The following TBC1D9B variants were observed in gnomAD, a reference collection of about 807,000 sequenced individuals.
TBC1D9B encodes the protein TBC1 domain family, member 9B (with GRAM domain).
Under a neutral mutation model 121.1 loss-of-function variants are expected in TBC1D9B, and 87 were observed. That is an observed-to-expected ratio of 0.72 (90% CI 0.60 to 0.86). The LOEUF (loss-of-function observed/expected upper bound fraction) is 0.86. Among genes scored for constraint, TBC1D9B ranks in the 40% least tolerant of loss-of-function variants. The probability of loss-of-function intolerance (pLI) is 0.00; values close to 1 mark genes in which losing one functional copy is unlikely to be tolerated. For missense variants in TBC1D9B, 1,540 were observed against 1,628.6 expected, an observed-to-expected ratio of 0.95 and a Z score of 0.94; for synonymous variants, 668 against 670.1, an observed-to-expected ratio of 1.00 and a Z score of 0.05.
Position 179,904,841 on chromosome 5 carries a change from G to A in TBC1D9B, c.119-29C>T. 2 of 1,520,826 alleles carry A rather than the reference G, an allele frequency of 1.3e-6. No individual in the cohort carries two copies. The highest frequency in any genetic ancestry group is 1.8e-6 in the Non-Finnish European group (2 of 1,124,850). 94.2% of individuals were successfully genotyped at this position (1,520,826 alleles called of 1,614,324 possible). A position where few individuals can be genotyped will look rare whatever the true frequency, so the allele number is the denominator to read the frequency against. ...GGAACAGGGCAGAGAGACATAGAGG[G>A]TGAGGGGAGGGCCGGACTGAGGCCC... On this transcript the variant is annotated intron_variant, in intron 1 of 20. Coordinates refer to ENST00000355235, the MANE Select transcript of TBC1D9B (RefSeq NM_015043.4). The surrounding 1 kb of genome is among the most constrained non-coding windows in gnomAD (Gnocchi z 4.2).
rs1006772520 is a variant in TBC1D9B, at chr5:179,902,555, G to A, written c.229+2147C>T. On this transcript the variant is annotated intron_variant, in intron 2 of 20. Coordinates refer to ENST00000355235, the MANE Select transcript of TBC1D9B (RefSeq NM_015043.4). This position sits in a 1 kb window ranked among gnomAD's most constrained non-coding sequence, Gnocchi z 4.9. The stretch of plus-strand genomic sequence containing the variant: ...AGGGGAGAGGTCAAGTGTGTGGCAC[G>A]GGGCTACGTACATGGGCTCCGCTGC... Among the ~76,000 whole-genome samples, 1 of 152,158 alleles carries A rather than the reference G, an allele frequency of 6.6e-6. No individual in the cohort carries two copies. Among genetic ancestry groups the A allele is most frequent in the Non-Finnish European group, 1.5e-5 (1 of 68,016 alleles).
rs35754287 is a variant in TBC1D9B at position 179,878,405 on chromosome 5, G to A, written c.1686C>T (p.Pro562=). 10,038 of 1,613,588 alleles carry A rather than the reference G, an allele frequency of 6.2e-3. 505 individuals carry two copies. The African/African-American group carries it at 0.11, about 18-fold the overall frequency. Residue 562 remains proline, a synonymous_variant, in exon 10 of 21, where the codon CCC becomes CCT. Coordinates refer to ENST00000355235, the MANE Select transcript of TBC1D9B (RefSeq NM_015043.4). Reference sequence around the variant, plus strand: ...GCTCGTTCTGGAAGGCAGGGTGCTCGGGCATGGAGCGGTGCAGGTCTCGCT... The same window carrying A: ...GCTCGTTCTGGAAGGCAGGGTGCTCAGGCATGGAGCGGTGCAGGTCTCGCT... ...EIERDLHRSM[P]EHPAFQNELG... is the part of the protein sequence containing the mutation.
intron 4 of TBC1D9B, 105 bp from the exon 5 acceptor site, chr5:179,893,572 G>T: frequency 1.4e-6 from 2 of 1,431,300 alleles, no homozygotes; most frequent in Non-Finnish European, 1.9e-6. Context: ...CTCTCTGGGG[G>T]CAGCACTTCC....
At position 179,875,259 on chromosome 5, in the gene TBC1D9B, C is replaced by A. The variant is rs947152618; in HGVS notation, c.1901-72G>T. The stretch of plus-strand genomic sequence containing the variant: ...TGGGTGGGCCCTCACCTGCAGCGTA[C>A]GAGCCCTGGCCACTCCAGCCCTGCC... On this transcript the variant is annotated intron_variant, in intron 11 of 20. Coordinates refer to ENST00000355235, the MANE Select transcript of TBC1D9B (RefSeq NM_015043.4). This position sits in a 1 kb window ranked among gnomAD's most constrained non-coding sequence, Gnocchi z 4.5. 3 of 1,537,876 alleles carry A rather than the reference C, an allele frequency of 2.0e-6. No individual in the cohort carries two copies. Among genetic ancestry groups the A allele is most frequent in the Non-Finnish European group, 2.6e-6 (3 of 1,145,534 alleles).
At chr5:179,892,831 G>A (rs1760903446) in intron 5 of TBC1D9B, among the ~76,000 whole-genome samples, 1 of 152,200 alleles carries the variant, frequency 6.6e-6, no homozygotes, top group Admixed American at 6.5e-5. Flanking sequence ...CACCCTGGCT[G>A]AGGTGGCTAC....
rs1161899750 is a variant in TBC1D9B at position 179,862,835 on chromosome 5, GT to G, written c.*612del. ...GGAAATATATCAGGACCTGAGGGAT[GT>G]TTTTTTAAAGTTACTGGAAAGGATG... On this transcript the variant is annotated 3_prime_UTR_variant, in exon 21 of 21. Coordinates refer to ENST00000355235, the MANE Select transcript of TBC1D9B (RefSeq NM_015043.4). 1.8e-5 allele frequency: 6 copies of G among 331,128 alleles called. No homozygotes were observed. The highest frequency in any genetic ancestry group is 3.1e-5 in the Non-Finnish European group (5 of 162,984). 20.5% of individuals were successfully genotyped at this position (331,128 alleles called of 1,614,324 possible). A position where few individuals can be genotyped will look rare whatever the true frequency, so the allele number is the denominator to read the frequency against.
Position 179,902,055 on chromosome 5 carries a change from A to G in TBC1D9B, c.229+2647T>C, listed in dbSNP as rs1761179876. ...AGTTACCCAAGGTCACACAGCTGGG[A>G]AGTGATCAAATCAGAATCCTAACCC... On this transcript the variant is annotated intron_variant, in intron 2 of 20. Transcript: ENST00000355235. The surrounding 1 kb of genome is among the most constrained non-coding windows in gnomAD (Gnocchi z 4.9). 6.6e-6 allele frequency among the ~76,000 whole-genome samples: 1 copy of G among 152,202 alleles called. No homozygotes were observed. The highest frequency in any genetic ancestry group is 6.5e-5 in the Admixed American group (1 of 15,276).
chr5:179,863,124 T>A lies in TBC1D9B; in HGVS notation c.*324A>T, dbSNP rs1759894286. 2.8e-6 allele frequency: 1 copy of A among 353,692 alleles called. No homozygotes were observed. Among genetic ancestry groups the A allele is most frequent in the Admixed American group, 4.3e-5 (1 of 23,100 alleles). 21.9% of individuals were successfully genotyped at this position (353,692 alleles called of 1,614,324 possible). On this transcript the variant is annotated 3_prime_UTR_variant, in exon 21 of 21. Coordinates refer to ENST00000355235, the MANE Select transcript of TBC1D9B (RefSeq NM_015043.4). The surrounding 1 kb of genome is among the most constrained non-coding windows in gnomAD (Gnocchi z 4.5). ...GGCCGCAGTGTGGAGCACAGAGGTA[T>A]GAGGCAAGCAAGGGCAGATCTGAGA...
chr5:179,878,304 C>G lies in TBC1D9B; in HGVS notation c.1782+5G>C, dbSNP rs756670484. On this transcript the variant is annotated splice_donor_5th_base_variant and intron_variant, in intron 10 of 20. Coordinates refer to ENST00000355235, the MANE Select transcript of TBC1D9B (RefSeq NM_015043.4). Reference sequence around the variant, plus strand: ...CTGTCTCTGGGCCCCTGTCAGGCCCCTTACCTGGCAGTAGCCGATGGTGGG... The same window carrying G: ...CTGTCTCTGGGCCCCTGTCAGGCCCGTTACCTGGCAGTAGCCGATGGTGGG... 6.2e-7 allele frequency: 1 copy of G among 1,609,666 alleles called. No individual in the cohort carries two copies. Among genetic ancestry groups the G allele is most frequent in the Non-Finnish European group, 8.5e-7 (1 of 1,178,826 alleles).
At chr5:179,864,224 A>C in intron 20 of TBC1D9B, 96 bp from the exon 21 acceptor site, 2 of 1,261,736 alleles carry the variant, frequency 1.6e-6, no homozygotes, top group Non-Finnish European at 2.2e-6. Flanking sequence ...CAGCCTAAGG[A>C]TGTTGGCTGC....
intron 18 of TBC1D9B, 129 bp downstream of exon 18, chr5:179,867,649 G>C (rs1292690521): frequency 2.0e-6 from 3 of 1,507,520 alleles, no homozygotes; most frequent in Non-Finnish European, 2.7e-6. Flanking sequence ...TGGTCCCCTG[G>C]GGAGAACCCC....
At chr5:179,872,506 T>C (rs2113609988) in intron 14 of TBC1D9B, 1 of 226,644 alleles carries the variant, frequency 4.4e-6, no homozygotes, top group Admixed American at 5.3e-5. Flanking sequence ...CCTCTAGAGA[T>C]GAGAACAGCA....
rs558309456 is a variant in TBC1D9B, at chr5:179,863,693, G to C, written c.3457C>G (p.Leu1153Val). The change falls in exon 21 of 21, where the codon CTT (leucine) becomes GTT (valine). Residue 1153 changes from leucine to valine, a missense_variant. Coordinates refer to ENST00000355235, the MANE Select transcript of TBC1D9B (RefSeq NM_015043.4). The surrounding 1 kb of genome is among the most constrained non-coding windows in gnomAD (Gnocchi z 4.5). ...VSTGSLQCED[L>V]ADDTVLVGGE... ...CCCACCAGCACCGTGTCGTCTGCAA[G>C]GTCTTCACATTGCAGGGAGCCCGTG... is the stretch of plus-strand genomic sequence containing the variant. 3.5e-5 allele frequency: 57 copies of C among 1,613,698 alleles called. No homozygotes were observed. In the South Asian group the frequency reaches 5.6e-4, roughly 16 times the overall value.
At chr5:179,867,448 G>A (rs200195260) in intron 18 of TBC1D9B, 1 of 1,555,720 alleles carries the variant, frequency 6.4e-7, no homozygotes, top group African/African-American at 1.4e-5. Flanking sequence ...GACTGACCTT[G>A]AGCCTCCCAG....
Position 179,875,173 on chromosome 5 carries a change from G to T in TBC1D9B, c.1915C>A (p.Gln639Lys). 1 of 1,613,254 alleles carries T rather than the reference G, an allele frequency of 6.2e-7. No individual in the cohort carries two copies. ...CTCGTGAGCTCTTCGAAGATGCCTTGGTCCACCAGGGCTCCTGCGGGCAGG... is the reference window on the plus strand; with the variant it reads ...CTCGTGAGCTCTTCGAAGATGCCTTTGTCCACCAGGGCTCCTGCGGGCAGG... ...NTRVVGALVD[Q>K]GIFEELTRDF... Residue 639 changes from glutamine (Q) to lysine (K), a missense_variant, in exon 12 of 21, where the codon CAA becomes AAA. By Grantham distance (53) the Gln-to-Lys change is moderately conservative (BLOSUM62 1). Coordinates refer to ENST00000355235, the MANE Select transcript of TBC1D9B (RefSeq NM_015043.4). The surrounding 1 kb of genome is among the most constrained non-coding windows in gnomAD (Gnocchi z 4.5).
chr5:179,868,567 A>T (rs1270891123), intron 17 of TBC1D9B: 1 of 152,232 alleles, frequency 6.6e-6, no homozygotes, highest in Non-Finnish European at 1.5e-5. Flanking sequence ...CCCAGTGACC[A>T]TCTGGCCAGT....
chr5:179,886,821 G>A (rs142318223), intron 7 of TBC1D9B, among the ~76,000 whole-genome samples: 26 of 152,298 alleles, frequency 1.7e-4, no homozygotes, highest in Non-Finnish European at 3.1e-4. Context: ...CAGACTCAAC[G>A]ACAGCAGCAG....
intron 14 of TBC1D9B, 200 bp from the exon 15 acceptor site, chr5:179,871,730 A>C: frequency 4.4e-5 from 24 of 545,384 alleles, no homozygotes; most frequent in East Asian, 1.3e-4. Context: ...CACTCAGCTC[A>C]CACTCCGGGC....
Position 179,874,820 on chromosome 5 carries a change from T to C in TBC1D9B, c.2186+82A>G, listed in dbSNP as rs1760312530. ...CCTGGCACTTGGTGGGCACAGTCAC[T>C]TCAGGCTGACTGGACAGTGCCCGGG... On this transcript the variant is annotated intron_variant, in intron 12 of 20. Coordinates refer to ENST00000355235, the MANE Select transcript of TBC1D9B (RefSeq NM_015043.4). The surrounding 1 kb of genome is among the most constrained non-coding windows in gnomAD (Gnocchi z 4.3). 6.5e-7 allele frequency: 1 copy of C among 1,548,928 alleles called. No homozygotes were observed. Among genetic ancestry groups the C allele is most frequent in the East Asian group, 2.3e-5 (1 of 44,330 alleles).
Sources: allele counts gnomAD v4.1 joint callset (sites outside exome capture counted in the v4.1 genomes callset), GRCh38; gene constraint gnomAD v4.1.1; non-coding constraint Gnocchi (gnomAD v3.1); transcripts MANE v1.5; gene names NCBI Gene and HGNC (gene_info 2026-07-23, HGNC 2026-07-21).